DLGAP4: variants seen among roughly 807,000 people sequenced by gnomAD.
DLGAP4 encodes the protein DLG associated protein 4.
A neutral mutation model predicts 86.9 loss-of-function variants in DLGAP4; 18 were observed. That is an observed-to-expected ratio of 0.21 (90% CI 0.14 to 0.31). The LOEUF (loss-of-function observed/expected upper bound fraction) is 0.31. Among genes scored for constraint, DLGAP4 ranks in the 10% least tolerant of loss-of-function variants. The pLI is 1.00. For missense variants in DLGAP4, 1,085 were observed against 1,362.6 expected (o/e 0.80, Z 3.21); for synonymous variants, 548 against 574.3 (o/e 0.95, Z 0.65).
chr20:36,451,311 C>A (rs1377985959), intron 7 of DLGAP4, among the ~76,000 whole-genome samples: 1 of 152,122 alleles, frequency 6.6e-6, no homozygotes, highest in African/African-American at 2.4e-5. Flanking sequence ...TTTCTGTAGG[C>A]CCTTTTGACC....
chr20:36,497,498 G>A, intron 8 of DLGAP4: 1 of 1,009,182 alleles, frequency 9.9e-7, no homozygotes, highest in Non-Finnish European at 1.2e-6. Context: ...GAGCAGCATG[G>A]AGCATAGACG....
chr20:36,459,802 T>C (rs2033975807), intron 7 of DLGAP4, among the ~76,000 whole-genome samples: 2 of 152,192 alleles, frequency 1.3e-5, no homozygotes, highest in African/African-American at 4.8e-5. Flanking sequence ...AGACGGGATT[T>C]CTCCATATTG....
chr20:36,525,696 T>G, intron 11 of DLGAP4, 155 bp from the exon 12 acceptor site: 1 of 991,292 alleles, frequency 1.0e-6, no homozygotes, highest in Non-Finnish European at 1.5e-6. Context: ...AGAACTGGCT[T>G]AGATTCATTC....
intron 1 of DLGAP4, among the ~76,000 whole-genome samples, chr20:36,325,228 G>A (rs2065204933): frequency 6.6e-6 from 1 of 151,932 alleles, no homozygotes; most frequent in South Asian, 2.1e-4. Context: ...GGGTTTTTTA[G>A]AAATGTGTTA....
intron 7 of DLGAP4, chr20:36,492,255 T>G (rs1262307841): frequency 6.6e-6 from 1 of 152,196 alleles, no homozygotes; most frequent in Non-Finnish European, 1.5e-5. Flanking sequence ...AGGGAGGCAA[T>G]ACTCAGAGCT....
intron 1 of DLGAP4, among the ~76,000 whole-genome samples, chr20:36,334,047 C>G (rs1484111290): frequency 6.6e-6 from 1 of 152,190 alleles, no homozygotes; most frequent in Non-Finnish European, 1.5e-5. Context: ...GTGTGTGCTG[C>G]GTCATTCAGC....
Position 36,432,425 on chromosome 20 carries a change from C to T in DLGAP4, c.708C>T (p.Arg236=). 6.2e-7 allele frequency: 1 copy of T among 1,613,744 alleles called. No individual in the cohort carries two copies. The highest frequency in any genetic ancestry group is 1.1e-5 in the South Asian group (1 of 91,084). ...GLMTLGRQAE[R]SQPRYFMHAY... ...TGACACTAGGCCGCCAGGCAGAACG[C>T]AGCCAGCCACGCTACTTCATGCACG... The change falls in exon 3 of 13, where the codon CGC becomes CGT. Residue 236 remains arginine (R), a synonymous_variant. Transcript: ENST00000339266. The surrounding 1 kb of genome is among the most constrained non-coding windows in gnomAD (Gnocchi z 6.5).
intron 1 of DLGAP4, among the ~76,000 whole-genome samples, chr20:36,338,435 G>A (rs1251746283): frequency 6.6e-6 from 1 of 152,198 alleles, no homozygotes; most frequent in Non-Finnish European, 1.5e-5. Flanking sequence ...GGCCAGGTGT[G>A]GTGGCGCATG....
At chr20:36,312,698 C>A (rs1283268323) in intron 1 of DLGAP4, among the ~76,000 whole-genome samples, 2 of 152,154 alleles carry the variant, frequency 1.3e-5, no homozygotes, top group South Asian at 2.1e-4. Context: ...GAACAACGCC[C>A]TGAAGAGGTG....
intron 3 of DLGAP4, among the ~76,000 whole-genome samples, chr20:36,433,456 C>G (rs1465961781): frequency 2.0e-5 from 3 of 152,174 alleles, no homozygotes; most frequent in East Asian, 3.9e-4. Flanking sequence ...CTGCACATTT[C>G]CAAGTGGCTC....
intron 10 of DLGAP4, among the ~76,000 whole-genome samples, chr20:36,505,420 C>T (rs1437433127): frequency 6.6e-6 from 1 of 152,090 alleles, no homozygotes; most frequent in Non-Finnish European, 1.5e-5. Context: ...GAGAAGCTGA[C>T]TGGCAGTTTT....
intron 2 of DLGAP4, among the ~76,000 whole-genome samples, chr20:36,394,721 G>A (rs2031895553): frequency 7.4e-6 from 1 of 135,852 alleles, no homozygotes; most frequent in East Asian, 2.6e-4. Context: ...CCATGACCCA[G>A]ATTCGACCTG....
chr20:36,430,288 G>A (rs1053491238), intron 2 of DLGAP4, among the ~76,000 whole-genome samples: 17 of 152,142 alleles, frequency 1.1e-4, no homozygotes, highest in Non-Finnish European at 2.2e-4. Flanking sequence ...TCTATTCCAG[G>A]CCATCTTTGC....
rs570601174 is a variant in DLGAP4 at position 36,360,713 on chromosome 20, A to T, written c.-303-6332A>T. 3.5e-5 allele frequency among the ~76,000 whole-genome samples: 5 copies of T among 143,298 alleles called. No individual in the cohort carries two copies. The South Asian group carries it at 1.1e-3, about 31-fold the overall frequency. 94.0% of individuals were successfully genotyped at this position (143,298 alleles called of 152,430 possible). A position where few individuals can be genotyped will look rare whatever the true frequency, so the allele number is the denominator to read the frequency against. ...AGAGTGGGTGGGTGGCATGTGCTGC[A>T]GTGCCCTCAGTGGGGCGGGGCCTGA... On this transcript the variant is annotated intron_variant, in intron 1 of 12. Coordinates refer to ENST00000339266, the MANE Select transcript of DLGAP4 (RefSeq NM_001365621.2).
At chr20:36,469,212 A>G (rs2034549845) in intron 7 of DLGAP4, among the ~76,000 whole-genome samples, 1 of 152,100 alleles carries the variant, frequency 6.6e-6, no homozygotes, top group African/African-American at 2.4e-5. Context: ...CTGGGGAAAC[A>G]CTGACAGACA....
intron 10 of DLGAP4, among the ~76,000 whole-genome samples, chr20:36,502,932 C>T (rs947739435): frequency 2.6e-5 from 4 of 152,124 alleles, no homozygotes; most frequent in Non-Finnish European, 4.4e-5. Flanking sequence ...ACTGTGTTGG[C>T]CAGGCTGGTC....
At chr20:36,408,746 A>G (rs2032398494) in intron 2 of DLGAP4, among the ~76,000 whole-genome samples, 1 of 152,232 alleles carries the variant, frequency 6.6e-6, no homozygotes, top group Non-Finnish European at 1.5e-5. Flanking sequence ...TATATTTTAA[A>G]ATAAAGTTTT....
chr20:36,481,035 C>T (rs1381054692), intron 7 of DLGAP4, among the ~76,000 whole-genome samples: 3 of 152,092 alleles, frequency 2.0e-5, no homozygotes, highest in East Asian at 3.8e-4. Flanking sequence ...ATGTCATGCA[C>T]ACAAAGATGA....
At chr20:36,417,545 C>T (rs574970421) in intron 2 of DLGAP4, among the ~76,000 whole-genome samples, 1 of 152,068 alleles carries the variant, frequency 6.6e-6, no homozygotes, top group Non-Finnish European at 1.5e-5. Context: ...CTACACCTGG[C>T]CAAATTTTTT....
Sources: gnomAD v4.1 joint callset for allele counts (sites outside exome capture counted in the v4.1 genomes callset) on GRCh38, gnomAD v4.1.1 for gene constraint, Gnocchi (gnomAD v3.1) non-coding constraint, MANE v1.5 for transcripts, NCBI Gene and HGNC (gene_info 2026-07-23, HGNC 2026-07-21) for gene names.